Variants in SASH1 observed in about 807,000 individuals in gnomAD.
SASH1 encodes the protein SAM and SH3 domain containing 1.
A neutral mutation model predicts 125.2 loss-of-function variants in SASH1; 44 were observed. The observed-to-expected ratio is 0.35, with a 90% CI of 0.28 to 0.45. The LOEUF is 0.45. SASH1 is among the 20% of genes least tolerant of loss of function. The pLI is 1.00. For missense variants in SASH1, 1,426 were observed against 1,614.5 expected (o/e 0.88, Z 2.00); for synonymous variants, 639 against 649.1 (o/e 0.98, Z 0.24).
chr6:148,531,425 A>ATTGAT, intron 12 of SASH1, 101 bp from the exon 13 acceptor site: 1 of 1,025,092 alleles, frequency 9.8e-7, no homozygotes. Context: ...ATAGGTATAG[A>ATTGAT]TTGATTTGAT....
At chr6:148,301,053 C>A (rs1348539800) in intron 1 of SASH1, among the ~76,000 whole-genome samples, 1 of 151,926 alleles carries the variant, frequency 6.6e-6, no homozygotes, top group African/African-American at 2.4e-5. Flanking sequence ...CTCGGCCGGG[C>A]TCGGTGGCTC....
In SASH1 at chr6:148,544,139, A is replaced by G. The variant is rs751802490; in HGVS notation, c.2669A>G (p.Asn890Ser). 4.3e-6 allele frequency: 7 copies of G among 1,614,118 alleles called. No individual in the cohort carries two copies. In the Admixed American group the frequency reaches 8.3e-5, roughly 19 times the overall value. Reference protein sequence around the residue: ...QPLEQDSAVDNALLLTQSKRF... With the variant: ...QPLEQDSAVDSALLLTQSKRF... ...CTGGAGCAAGACTCTGCTGTCGACA[A>G]TGCATTGCTACTGACCCAAAGCAAG... Residue 890 changes from asparagine (N) to serine (S), a missense_variant, in exon 18 of 20, where the codon AAT (asparagine) becomes AGT (serine). By Grantham distance (46) the Asn-to-Ser change is conservative. Around this residue, in one of 3 missense-constraint regions of SASH1, gnomAD observed 634 missense variants for 694.4 expected, o/e 0.91. Transcript: ENST00000367467. The surrounding 1 kb of genome is among the most constrained non-coding windows in gnomAD (Gnocchi z 6.4).
chr6:148,387,051 CTCTCTTTCTTTCTTGCTTTCTCCCTCTG>C, intron 1 of SASH1, among the ~76,000 whole-genome samples: 1 of 151,788 alleles, frequency 6.6e-6, no homozygotes, highest in African/African-American at 2.4e-5. Flanking sequence ...TGCTTTCTCC[CTCTCTTTCTTTCTTGCTTTCTCCCTCTG>C]TCTCTCTCTC....
chr6:148,225,297 A>G, the SASH1 span, among the ~76,000 whole-genome samples: 1 of 152,250 alleles, frequency 6.6e-6, no homozygotes, highest in African/African-American at 2.4e-5. Flanking sequence ...TAGGTTTTTC[A>G]TAAATCTAAT....
intron 1 of SASH1, among the ~76,000 whole-genome samples, chr6:148,301,657 C>T (rs1045906204): frequency 1.3e-5 from 2 of 151,812 alleles, no homozygotes; most frequent in Non-Finnish European, 2.9e-5. Flanking sequence ...TGGCTCGCTA[C>T]AGCCTCAACC....
At chr6:148,208,792 A>G in the SASH1 span, among the ~76,000 whole-genome samples, 7 of 152,192 alleles carry the variant, frequency 4.6e-5, no homozygotes, top group Admixed American at 2.6e-4. Flanking sequence ...CATGGGAATA[A>G]AGGACCAAAC....
chr6:148,413,802 G>A (rs1045386160), intron 2 of SASH1, among the ~76,000 whole-genome samples: 2 of 151,828 alleles, frequency 1.3e-5, no homozygotes, highest in Non-Finnish European at 2.9e-5. Flanking sequence ...CCTTCTCCGG[G>A]CCTCTCCTTC....
intron 7 of SASH1, among the ~76,000 whole-genome samples, chr6:148,481,325 T>C (rs1280816638): frequency 2.0e-5 from 3 of 152,190 alleles, no homozygotes; most frequent in South Asian, 2.1e-4. Flanking sequence ...ACTTTCTCCA[T>C]GTCAGCAATA....
chr6:148,382,917 A>G (rs1000692433), intron 1 of SASH1, among the ~76,000 whole-genome samples: 1 of 152,186 alleles, frequency 6.6e-6, no homozygotes, highest in Non-Finnish European at 1.5e-5. Context: ...GCATGACCTA[A>G]TACGTCCCTC....
rs554942198 is a variant in SASH1, at chr6:148,478,442, C to T, written c.627+4220C>T. ...TCCAGGCACAGAAAGTCAAACTGCA[C>T]AAGTTCTCACTCATTTGTGGGAGGT... On this transcript the variant is annotated intron_variant, in intron 7 of 19. Transcript: ENST00000367467. Among the ~76,000 whole-genome samples, 293 of 152,266 alleles carry T rather than the reference C, an allele frequency of 1.9e-3. 1 individual carries two copies. The highest frequency in any genetic ancestry group is 6.7e-3 in the African/African-American group (280 of 41,542).
intron 1 of SASH1, among the ~76,000 whole-genome samples, chr6:148,389,813 T>C (rs2114824924): frequency 6.6e-6 from 1 of 152,316 alleles, no homozygotes; most frequent in African/African-American, 2.4e-5. Context: ...GAGATGGGGA[T>C]TGAAGACTTT....
At chr6:148,492,768 C>A (rs955498786) in intron 8 of SASH1, among the ~76,000 whole-genome samples, 1 of 151,846 alleles carries the variant, frequency 6.6e-6, no homozygotes, top group Non-Finnish European at 1.5e-5. Flanking sequence ...TTGCAGTGAG[C>A]CAAGATCACA....
At chr6:148,341,698 A>C (rs115738609), upstream of SASH1, among the ~76,000 whole-genome samples, 1,056 of 152,198 alleles carry the variant, frequency 6.9e-3, 16 homozygotes, top group East Asian at 0.031. Context: ...AACAAACAAA[A>C]AAAACCCCAC....
At chr6:148,447,050 A>G (rs550437429) in intron 4 of SASH1, among the ~76,000 whole-genome samples, 11 of 152,298 alleles carry the variant, frequency 7.2e-5, no homozygotes, top group Admixed American at 2.0e-4. Flanking sequence ...AGCAAATTCT[A>G]CCCTCATCCA....
intron 1 of SASH1, among the ~76,000 whole-genome samples, chr6:148,363,731 C>A (rs1274494279): frequency 6.6e-6 from 1 of 151,910 alleles, no homozygotes. Context: ...CTGCTTCAGA[C>A]CCCTCCTGGT....
At chr6:148,326,382 TTC>T (rs1780826079) in intron 1 of SASH1, among the ~76,000 whole-genome samples, 2 of 49,698 alleles carry the variant, frequency 4.0e-5, no homozygotes, top group Non-Finnish European at 7.4e-5. Flanking sequence ...ATACATTCTT[TTC>T]TTTTCTTTTC....
chr6:148,491,195 T>C (rs780832832), intron 8 of SASH1, among the ~76,000 whole-genome samples: 1 of 152,264 alleles, frequency 6.6e-6, no homozygotes. Flanking sequence ...CAAGAAAGAC[T>C]GTATTCTTTG....
rs144265225 is a variant in SASH1, at chr6:148,405,974, G to C, written c.285+15712G>C. Among the ~76,000 whole-genome samples the C allele has an allele frequency of 2.5e-3, 381 of 152,304 alleles. 1 individual carries two copies. Among genetic ancestry groups the C allele is most frequent in the African/African-American group, 8.8e-3 (365 of 41,572 alleles). ...TCTTTGGACTCCAGTTCTTGTGCTGGAAGTGGCCTCCATGGTAAAAGAAAA... is the reference window on the plus strand; with the variant it reads ...TCTTTGGACTCCAGTTCTTGTGCTGCAAGTGGCCTCCATGGTAAAAGAAAA... On this transcript the variant is annotated intron_variant, in intron 2 of 19. Coordinates refer to ENST00000367467, the MANE Select transcript of SASH1 (RefSeq NM_015278.5).
At chr6:148,246,606 A>T in the SASH1 span, among the ~76,000 whole-genome samples, 3 of 152,238 alleles carry the variant, frequency 2.0e-5, no homozygotes, top group African/African-American at 4.8e-5. Flanking sequence ...TAGACATAAA[A>T]TAATAGAGAG....
Sources: gnomAD v4.1 joint callset for allele counts (sites outside exome capture counted in the v4.1 genomes callset) on GRCh38, gnomAD v4.1.1 for gene constraint, gnomAD v4.1.1 regional missense constraint, Gnocchi (gnomAD v3.1) non-coding constraint, MANE v1.5 for transcripts, NCBI Gene and HGNC (gene_info 2026-07-23, HGNC 2026-07-21) for gene names.